The following USP42 variants were observed in gnomAD, a reference collection of about 807,000 sequenced individuals.
USP42 encodes the protein ubiquitin specific peptidase 42, also known as ubiquitin carboxyl-terminal hydrolase 42.
A neutral mutation model predicts 113.0 loss-of-function variants in USP42; 23 were observed. That is an observed-to-expected ratio of 0.20 (90% CI 0.15 to 0.29). The LOEUF is 0.29. Ranked by LOEUF, USP42 falls within the 10% of genes least tolerant of loss-of-function variation. USP42 has a pLI of 1.00. For missense variants in USP42, 2,174 were observed against 1,779.8 expected (o/e 1.22, Z -3.99); for synonymous variants, 933 against 699.0 (o/e 1.33, Z -5.28).
chr7:6,149,613 T>C lies in USP42; in HGVS notation c.1417T>C (p.Leu473=). 1.9e-6 allele frequency: 3 copies of C among 1,613,884 alleles called. No individual in the cohort carries two copies. The highest frequency in any genetic ancestry group is 2.2e-5 in the East Asian group (1 of 44,872). The change falls in exon 13 of 18, where the codon TTG becomes CTG. Residue 473 remains leucine, a synonymous_variant. Transcript: ENST00000306177. ...ACCTCACTTAAATGGGACTGGACCA[T>C]TGAAAGACACGCCAAGCAGTTCCAT... ...NPPHLNGTGP[L]KDTPSSSMSS...
chr7:6,140,535 T>C (rs1177365108), intron 6 of USP42, among the ~76,000 whole-genome samples: 1 of 152,232 alleles, frequency 6.6e-6, no homozygotes, highest in Non-Finnish European at 1.5e-5. Context: ...ATTTAGGTTG[T>C]TTGTGTTTTG....
the USP42 span, among the ~76,000 whole-genome samples, chr7:6,096,873 C>T: frequency 6.6e-6 from 1 of 151,150 alleles, no homozygotes; most frequent in Non-Finnish European, 1.5e-5. Flanking sequence ...GCTGCGTAAG[C>T]ACTGCTACCC....
chr7:6,146,081 T>C (rs1263953246), intron 10 of USP42, 67 bp from the exon 11 acceptor site: 2 of 1,219,444 alleles, frequency 1.6e-6, no homozygotes, highest in Non-Finnish European at 2.3e-6. Flanking sequence ...GAAAGAAATA[T>C]TTCTCTTGAC....
At chr7:6,150,558 G>C in intron 14 of USP42, 52 bp downstream of exon 14, 1 of 1,482,396 alleles carries the variant, frequency 6.7e-7, no homozygotes, top group Non-Finnish European at 9.4e-7. Context: ...AGGAAATCCA[G>C]TAGCCTCCAG....
intron 2 of USP42, among the ~76,000 whole-genome samples, chr7:6,113,980 T>C (rs1179549311): frequency 2.0e-5 from 3 of 152,234 alleles, no homozygotes; most frequent in Non-Finnish European, 4.4e-5. Flanking sequence ...AAATTAGTCT[T>C]GCCATTGATG....
At chr7:6,086,686 C>T in the USP42 span, among the ~76,000 whole-genome samples, 1 of 143,486 alleles carries the variant, frequency 7.0e-6, no homozygotes, top group Non-Finnish European at 1.5e-5. Flanking sequence ...CTTCCCCCTT[C>T]CCTTTCCCCT....
Position 6,139,440 on chromosome 7 carries a change from C to A in USP42, c.656+246C>A. ...TAGATGTCAGGAAATAAACATTGGT[C>A]TTGCAGCTATTTAATTTCTCATTAT... On this transcript the variant is annotated intron_variant, in intron 5 of 17. Coordinates refer to ENST00000306177, the MANE Select transcript of USP42 (RefSeq NM_032172.3). This position sits in a 1 kb window ranked among gnomAD's most constrained non-coding sequence, Gnocchi z 4.5. 1 of 370,114 alleles carries A rather than the reference C, an allele frequency of 2.7e-6. No homozygotes were observed. Among genetic ancestry groups the A allele is most frequent in the South Asian group, 5.9e-5 (1 of 16,918 alleles). 22.9% of individuals were successfully genotyped at this position (370,114 alleles called of 1,614,324 possible).
intron 3 of USP42, among the ~76,000 whole-genome samples, chr7:6,119,108 C>T (rs1031966614): frequency 1.5e-4 from 23 of 150,824 alleles, no homozygotes; most frequent in Non-Finnish European, 3.2e-4. Flanking sequence ...CTAGTTACTT[C>T]GGAGGCTGAG....
intron 6 of USP42, among the ~76,000 whole-genome samples, chr7:6,140,684 A>T (rs922185074): frequency 6.6e-6 from 1 of 152,196 alleles, no homozygotes; most frequent in Non-Finnish European, 1.5e-5. Context: ...GTTGTCTTCT[A>T]AGAGGGTATA....
rs953684317 is a variant in USP42, at chr7:6,142,425, C to T, written c.796-507C>T. ...TAGAGACGGGGTTTTACCATGTTAG[C>T]CAGGATGGTCTGGATCTCCTGACCT... On this transcript the variant is annotated intron_variant, in intron 7 of 17. Coordinates refer to ENST00000306177, the MANE Select transcript of USP42 (RefSeq NM_032172.3). Among the ~76,000 whole-genome samples the T allele has an allele frequency of 3.3e-5, 5 of 152,200 alleles. No homozygotes were observed. The East Asian group carries it at 5.8e-4, about 18-fold the overall frequency.
chr7:6,137,719 G>A (rs1011896162), intron 4 of USP42, among the ~76,000 whole-genome samples: 3 of 151,430 alleles, frequency 2.0e-5, no homozygotes, highest in South Asian at 4.2e-4. Context: ...TCACTCTGTC[G>A]CCTAGGCTGG....
At chr7:6,098,680 T>A in the USP42 span, among the ~76,000 whole-genome samples, 1 of 150,260 alleles carries the variant, frequency 6.7e-6, no homozygotes, top group Non-Finnish European at 1.5e-5. Context: ...GCCTCCTGAG[T>A]AGCTGGGATG....
chr7:6,142,980 C>G lies in USP42; in HGVS notation c.844C>G (p.Gln282Glu). The G allele has an allele frequency of 6.2e-7, 1 of 1,614,016 alleles. No individual in the cohort carries two copies. The highest frequency in any genetic ancestry group is 8.5e-7 in the Non-Finnish European group (1 of 1,179,896). ...ATTGGAGCAGTTTGTGAAGCCGGAA[C>G]AGCTTGATGGAGAAAACTCGTACAA... ...KALEQFVKPEQLDGENSYKCS... is the reference protein window; with the variant it reads ...KALEQFVKPEELDGENSYKCS... Residue 282 changes from glutamine to glutamate, a missense_variant, in exon 8 of 18, where the codon CAG becomes GAG. Gln to Glu is a conservative substitution (Grantham distance 29). Coordinates refer to ENST00000306177, the MANE Select transcript of USP42 (RefSeq NM_032172.3).
intron 1 of USP42, among the ~76,000 whole-genome samples, chr7:6,105,387 C>G (rs945423117): frequency 1.1e-4 from 16 of 149,284 alleles, no homozygotes; most frequent in African/African-American, 3.4e-4. Flanking sequence ...GCCTGGGGGC[C>G]GGGCAGGCAG....
At chr7:6,132,579 A>T (rs1780910130) in intron 3 of USP42, among the ~76,000 whole-genome samples, 1 of 151,840 alleles carries the variant, frequency 6.6e-6, no homozygotes, top group Admixed American at 6.6e-5. Context: ...GGCTGGTCTC[A>T]AACTCCTGAC....
At chr7:6,147,958 GT>G in intron 12 of USP42, 66 bp downstream of exon 12, 1 of 1,495,154 alleles carries the variant, frequency 6.7e-7, no homozygotes, top group Non-Finnish European at 9.1e-7. Flanking sequence ...AAACTCTCAA[GT>G]TGAATTGTAG....
intron 15 of USP42, 96 bp downstream of exon 15, chr7:6,155,291 A>G (rs1161720114): frequency 2.1e-6 from 3 of 1,436,546 alleles, no homozygotes; most frequent in African/African-American, 2.9e-5. Context: ...GTGACCAGCC[A>G]GGCCACAGTT....
chr7:6,147,904 T>C lies in USP42; in HGVS notation c.1386+12T>C. The C allele has an allele frequency of 6.3e-7, 1 of 1,575,418 alleles. No individual in the cohort carries two copies. Among genetic ancestry groups the C allele is most frequent in the East Asian group, 2.3e-5 (1 of 44,042 alleles). On this transcript the variant is annotated intron_variant, in intron 12 of 17. Coordinates refer to ENST00000306177, the MANE Select transcript of USP42 (RefSeq NM_032172.3). Reference sequence around the variant, plus strand: ...CTCACATGATAAAGGTAACAGTCCTTAGGGAGAAGAACATTTTTATGTTAA... The same window carrying C: ...CTCACATGATAAAGGTAACAGTCCTCAGGGAGAAGAACATTTTTATGTTAA...
At chr7:6,112,690 C>T (rs916298178) in intron 2 of USP42, among the ~76,000 whole-genome samples, 1 of 152,152 alleles carries the variant, frequency 6.6e-6, no homozygotes, top group Middle Eastern at 3.4e-3. Flanking sequence ...TGCAGCCCAA[C>T]ACAAATCCGT....
Sources: allele counts gnomAD v4.1 joint callset (sites outside exome capture counted in the v4.1 genomes callset), GRCh38; gene constraint gnomAD v4.1.1; non-coding constraint Gnocchi (gnomAD v3.1); transcripts MANE v1.5; gene names NCBI Gene and HGNC (gene_info 2026-07-23, HGNC 2026-07-21).